NSG2: variants seen among roughly 807,000 people sequenced by gnomAD.
The protein encoded by NSG2 is neuronal vesicle trafficking-associated protein 2.
NSG2 carries 4 observed loss-of-function variants against 16.9 expected under a neutral mutation model. That is an observed-to-expected ratio of 0.24 (90% CI 0.12 to 0.54). The LOEUF (loss-of-function observed/expected upper bound fraction) is 0.54, where lower values mean the gene tolerates loss of function less well. NSG2 is among the 20% of genes least tolerant of loss of function. The pLI, the probability that NSG2 is intolerant of heterozygous loss-of-function variation, is 0.95. For missense variants in NSG2, 179 were observed against 221.1 expected (o/e 0.81, Z 1.21); for synonymous variants, 98 against 88.7 (o/e 1.11, Z -0.59).
At chr5:174,089,414 AT>A (rs968619665) in intron 3 of NSG2, among the ~76,000 whole-genome samples, 5 of 151,292 alleles carry the variant, frequency 3.3e-5, no homozygotes, top group Non-Finnish European at 5.9e-5. Context: ...GAGAGGGTGT[AT>A]TTTTTTTTCC....
chr5:174,066,204 T>C, intron 3 of NSG2: 2 of 456,280 alleles, frequency 4.4e-6, no homozygotes, highest in South Asian at 1.5e-5. Context: ...GTACTTTCAG[T>C]GTCTGCCACA....
At chr5:174,063,425 A>G (rs1760088507) in intron 2 of NSG2, among the ~76,000 whole-genome samples, 1 of 152,220 alleles carries the variant, frequency 6.6e-6, no homozygotes, top group African/African-American at 2.4e-5. Flanking sequence ...AACAGATTCA[A>G]CAGAACTTTC....
intron 3 of NSG2, among the ~76,000 whole-genome samples, chr5:174,087,387 A>T (rs755747352): frequency 6.6e-6 from 1 of 152,164 alleles, no homozygotes; most frequent in Non-Finnish European, 1.5e-5. Flanking sequence ...GAGTTTCCTT[A>T]TAGGCAGGTG....
intron 2 of NSG2, 143 bp from the exon 3 acceptor site, chr5:174,064,089 A>G: frequency 1.8e-6 from 1 of 542,732 alleles, no homozygotes; most frequent in Non-Finnish European, 3.2e-6. Context: ...AGTAACTTGA[A>G]TTTTCTCTTA....
At chr5:174,091,681 G>GTGTC (rs1193007966) in intron 3 of NSG2, among the ~76,000 whole-genome samples, 1 of 150,102 alleles carries the variant, frequency 6.7e-6, no homozygotes, top group Non-Finnish European at 1.5e-5. Context: ...GTGTGTGTGT[G>GTGTC]TGTGTCTGGG....
intron 2 of NSG2, among the ~76,000 whole-genome samples, chr5:174,059,973 C>T (rs781335196): frequency 1.4e-4 from 21 of 152,120 alleles, no homozygotes; most frequent in East Asian, 1.9e-4. Context: ...GATGGTATGC[C>T]CTGATTGGCT....
rs1299633090 is a variant in NSG2 at position 174,072,934 on chromosome 5, G to C, written c.213+8619G>C. On this transcript the variant is annotated intron_variant, in intron 3 of 4. Coordinates refer to ENST00000303177, the MANE Select transcript of NSG2 (RefSeq NM_015980.5). This position sits in a 1 kb window ranked among gnomAD's most constrained non-coding sequence, Gnocchi z 4.0. ...TGGGAGGTTGAGGCTGCAGTGAGCC[G>C]GATTGTGCCACTGCACTCCAACCTG... Among the ~76,000 whole-genome samples, 1 of 152,124 alleles carries C rather than the reference G, an allele frequency of 6.6e-6. No homozygotes were observed. The highest frequency in any genetic ancestry group is 2.4e-5 in the African/African-American group (1 of 41,424).
At chr5:174,055,154 G>T (rs1455357869) in intron 2 of NSG2, among the ~76,000 whole-genome samples, 1 of 152,186 alleles carries the variant, frequency 6.6e-6, no homozygotes, top group East Asian at 1.9e-4. Flanking sequence ...GACTGTGGAA[G>T]ACCCAGGTGG....
rs982948109 is a variant in NSG2, at chr5:174,064,161, G to T, written c.130-71G>T. 8.6e-6 allele frequency: 9 copies of T among 1,042,840 alleles called. No homozygotes were observed. In the Admixed American group the frequency reaches 9.3e-5, roughly 11 times the overall value. The allele number at this position is 1,042,840 out of a possible 1,614,324, so 64.6% of individuals were successfully genotyped here. A position where few individuals can be genotyped will look rare whatever the true frequency, so the allele number is the denominator to read the frequency against. On this transcript the variant is annotated intron_variant, in intron 2 of 4. Transcript: ENST00000303177. ...TTTATGTCATGTGTAATAAATTCTG[G>T]TTACTGAAAAAAAAGAAAGGAAAAT... is the stretch of plus-strand genomic sequence containing the variant.
At chr5:174,081,252 C>T (rs965590128) in intron 3 of NSG2, among the ~76,000 whole-genome samples, 1 of 151,934 alleles carries the variant, frequency 6.6e-6, no homozygotes, top group Non-Finnish European at 1.5e-5. Flanking sequence ...TTCCTGTTTG[C>T]AATTTTTAGA....
chr5:174,076,085 T>G (rs75827090), intron 3 of NSG2, among the ~76,000 whole-genome samples: 2,966 of 152,326 alleles, frequency 0.019, 100 homozygotes, highest in African/African-American at 0.067. Context: ...CTCACTGGAC[T>G]GTGTGACCTT....
chr5:174,063,198 C>T (rs1760080060), intron 2 of NSG2, among the ~76,000 whole-genome samples: 2 of 152,208 alleles, frequency 1.3e-5, no homozygotes, highest in Non-Finnish European at 2.9e-5. Flanking sequence ...CTCTATTTTA[C>T]AGATGAGACC....
intron 3 of NSG2, among the ~76,000 whole-genome samples, chr5:174,076,782 G>C (rs1355473050): frequency 6.6e-6 from 1 of 152,200 alleles, no homozygotes; most frequent in Non-Finnish European, 1.5e-5. Flanking sequence ...GGGTAGGGAT[G>C]CTATTGGTCT....
At chr5:174,099,310 G>A (rs758381336) in intron 3 of NSG2, among the ~76,000 whole-genome samples, 11 of 152,096 alleles carry the variant, frequency 7.2e-5, no homozygotes, top group Non-Finnish European at 1.5e-4. Flanking sequence ...GGAACTCGCC[G>A]GCCTGAGCCG....
rs4457100 is a variant in NSG2 at position 174,107,874 on chromosome 5, A to G, written c.*369A>G. ...CAAAAAGCATTAAACTGGCTCCATC[A>G]GAAGACGTTGAAGGGCAGTGAAGAG... is the stretch of plus-strand genomic sequence containing the variant. On this transcript the variant is annotated 3_prime_UTR_variant, in exon 5 of 5. Transcript: ENST00000303177. The surrounding 1 kb of genome is among the most constrained non-coding windows in gnomAD (Gnocchi z 4.5). 0.27 allele frequency: 108,763 copies of G among 401,606 alleles called. 19,268 individuals carry two copies. The highest frequency in any genetic ancestry group is 0.65 in the African/African-American group (31,201 of 48,200). The allele number at this position is 401,606 out of a possible 1,614,324, so 24.9% of individuals were successfully genotyped here.
At chr5:174,092,531 C>T (rs893331685) in intron 3 of NSG2, among the ~76,000 whole-genome samples, 1 of 152,180 alleles carries the variant, frequency 6.6e-6, no homozygotes, top group Non-Finnish European at 1.5e-5. Context: ...CAGTGTAATA[C>T]CCAGGCAACA....
intron 3 of NSG2, among the ~76,000 whole-genome samples, chr5:174,078,281 C>T (rs1760383016): frequency 6.6e-6 from 1 of 151,818 alleles, no homozygotes; most frequent in African/African-American, 2.4e-5. Context: ...ACACACCACA[C>T]ACACACACAC....
At chr5:174,081,259 T>C (rs1489271429) in intron 3 of NSG2, among the ~76,000 whole-genome samples, 1 of 152,202 alleles carries the variant, frequency 6.6e-6, no homozygotes, top group Non-Finnish European at 1.5e-5. Flanking sequence ...TTGCAATTTT[T>C]AGACTCCTGA....
At chr5:174,092,103 C>G (rs957958432) in intron 3 of NSG2, among the ~76,000 whole-genome samples, 2 of 152,212 alleles carry the variant, frequency 1.3e-5, no homozygotes, top group African/African-American at 4.8e-5. Flanking sequence ...GTGGAAAATG[C>G]TGATTTCTGG....
Sources: allele counts gnomAD v4.1 joint callset (sites outside exome capture counted in the v4.1 genomes callset), GRCh38; gene constraint gnomAD v4.1.1; non-coding constraint Gnocchi (gnomAD v3.1); transcripts MANE v1.5; gene names NCBI Gene and HGNC (gene_info 2026-07-23, HGNC 2026-07-21).